Variants in GRIN2B observed in about 807,000 individuals in gnomAD.
The protein encoded by GRIN2B is glutamate ionotropic receptor NMDA type subunit 2B, also known as glutamate receptor ionotropic, NMDA 2B.
Under a neutral mutation model 114.5 loss-of-function variants are expected in GRIN2B, and 5 were observed. The ratio of observed to expected loss-of-function variants is 0.04; its 90% CI spans 0.02 to 0.09. The LOEUF (loss-of-function observed/expected upper bound fraction) is 0.09. Ranked by LOEUF, GRIN2B falls within the 10% of genes least tolerant of loss-of-function variation. The probability of loss-of-function intolerance (pLI) is 1.00; values close to 1 mark genes in which losing one functional copy is unlikely to be tolerated. For missense variants in GRIN2B, 1,108 were observed against 1,943.5 expected, an observed-to-expected ratio of 0.57 and a Z score of 8.08; for synonymous variants, 787 against 745.1, an observed-to-expected ratio of 1.06 and a Z score of -0.92.
intron 3 of GRIN2B, among the ~76,000 whole-genome samples, chr12:13,802,465 A>G (rs1864532772): frequency 6.6e-6 from 1 of 152,192 alleles, no homozygotes; most frequent in Non-Finnish European, 1.5e-5. Flanking sequence ...AGTTCTGAAA[A>G]TTTATGCTGA....
intron 5 of GRIN2B, among the ~76,000 whole-genome samples, chr12:13,661,357 C>T (rs1949921042): frequency 6.6e-6 from 1 of 152,166 alleles, no homozygotes; most frequent in South Asian, 2.1e-4. Context: ...ACAGAAAACC[C>T]CCTTCAGACA....
chr12:13,872,001 C>A (rs953227397), intron 2 of GRIN2B, among the ~76,000 whole-genome samples: 1 of 152,036 alleles, frequency 6.6e-6, no homozygotes, highest in African/African-American at 2.4e-5. Flanking sequence ...CAGCCCACCC[C>A]ACCTCTGCCA....
At chr12:13,712,270 C>T (rs1158089817) in intron 4 of GRIN2B, among the ~76,000 whole-genome samples, 3 of 151,788 alleles carry the variant, frequency 2.0e-5, no homozygotes, top group Non-Finnish European at 4.4e-5. Flanking sequence ...AGGAGATATA[C>T]CTAATGTTAA....
intron 4 of GRIN2B, among the ~76,000 whole-genome samples, chr12:13,701,041 G>C (rs1169276249): frequency 6.6e-6 from 1 of 152,190 alleles, no homozygotes; most frequent in Admixed American, 6.5e-5. Context: ...AGGTGAAGGG[G>C]AAACGAGGCA....
intron 2 of GRIN2B, among the ~76,000 whole-genome samples, chr12:13,916,161 G>T (rs780075164): frequency 1.1e-4 from 17 of 152,138 alleles, no homozygotes; most frequent in Non-Finnish European, 2.2e-4. Context: ...TTTTGAAAAT[G>T]AGATCTTTGA....
At position 13,827,826 on chromosome 12, in the gene GRIN2B, C is replaced by T. The variant is rs910294610; in HGVS notation, c.411+37972G>A. ...CCTCCCAAGTAGCTGGAACTACAGG[C>T]GCATGCCACCACTCCCGGCTAATTT... On this transcript the variant is annotated intron_variant, in intron 3 of 13. Transcript: ENST00000609686. Among the ~76,000 whole-genome samples the T allele has an allele frequency of 8.4e-4, 128 of 152,136 alleles. 1 individual carries two copies. The highest frequency in any genetic ancestry group is 2.8e-3 in the African/African-American group (116 of 41,524).
intron 3 of GRIN2B, among the ~76,000 whole-genome samples, chr12:13,862,018 A>G (rs775628265): frequency 1.3e-5 from 2 of 152,218 alleles, no homozygotes; most frequent in African/African-American, 2.4e-5. Context: ...GTTGAGAGTC[A>G]GGGATTGGTG....
intron 3 of GRIN2B, among the ~76,000 whole-genome samples, chr12:13,798,903 C>T (rs1341716904): frequency 6.6e-6 from 1 of 152,228 alleles, no homozygotes; most frequent in Non-Finnish European, 1.5e-5. Context: ...CCTCCTTTCC[C>T]TGTTGCTCTT....
intron 13 of GRIN2B, among the ~76,000 whole-genome samples, chr12:13,565,714 G>A (rs1948630275): frequency 6.6e-6 from 1 of 152,166 alleles, no homozygotes. Context: ...GGACTAATTT[G>A]GAAAGGGAAG....
intron 2 of GRIN2B, among the ~76,000 whole-genome samples, chr12:13,962,878 G>A (rs1013599707): frequency 7.2e-5 from 11 of 152,212 alleles, no homozygotes; most frequent in Non-Finnish European, 1.5e-5. Context: ...GAAGGAGGAA[G>A]GGTGATAGGC....
intron 3 of GRIN2B, among the ~76,000 whole-genome samples, chr12:13,835,033 CAGCAATTAAAATA>C (rs1726950207): frequency 6.6e-6 from 1 of 152,160 alleles, no homozygotes; most frequent in Admixed American, 6.5e-5. Context: ...GACAGAGCAC[CAGCAATTAAAATA>C]AGAAACAGGA....
At chr12:13,933,356 T>G (rs1300559339) in intron 2 of GRIN2B, among the ~76,000 whole-genome samples, 4 of 152,224 alleles carry the variant, frequency 2.6e-5, no homozygotes, top group African/African-American at 4.8e-5. Context: ...TTAATGTGGC[T>G]GCTATATATC....
Position 13,877,554 on chromosome 12 carries a change from C to T in GRIN2B, c.-18-11328G>A, listed in dbSNP as rs147526140. 4.6e-3 allele frequency among the ~76,000 whole-genome samples: 700 copies of T among 152,270 alleles called. 2 individuals are homozygous for T. Among genetic ancestry groups the T allele is most frequent in the South Asian group, 0.012 (59 of 4,826 alleles). On this transcript the variant is annotated intron_variant, in intron 2 of 13. Coordinates refer to ENST00000609686, the MANE Select transcript of GRIN2B (RefSeq NM_000834.5). ...TTACTCTTTAGTTGTTCTTGCCTTC[C>T]TCCTCTCTCTCCTTTCTCCCAAATT...
At chr12:13,857,923 C>T (rs1030485027) in intron 3 of GRIN2B, among the ~76,000 whole-genome samples, 2 of 152,166 alleles carry the variant, frequency 1.3e-5, no homozygotes, top group South Asian at 2.1e-4. Flanking sequence ...GAGCAGCCAC[C>T]TTCCAACCAT....
At chr12:13,646,326 C>T (rs1276435347) in intron 5 of GRIN2B, among the ~76,000 whole-genome samples, 4 of 152,124 alleles carry the variant, frequency 2.6e-5, no homozygotes, top group Non-Finnish European at 2.9e-5. Context: ...GAATACCTGC[C>T]TTAGTGTGTC....
At chr12:13,926,914 C>T (rs1034678920) in intron 2 of GRIN2B, among the ~76,000 whole-genome samples, 1 of 150,364 alleles carries the variant, frequency 6.7e-6, no homozygotes, top group South Asian at 2.1e-4. Context: ...GATCACACCA[C>T]TGCACTCCAG....
intron 2 of GRIN2B, chr12:13,977,250 A>G (rs1311963560): frequency 6.6e-6 from 1 of 152,188 alleles, no homozygotes; most frequent in Non-Finnish European, 1.5e-5. Flanking sequence ...CAAAGCATGG[A>G]TCTTCAGACA....
At chr12:13,813,088 C>T (rs765430444) in intron 3 of GRIN2B, among the ~76,000 whole-genome samples, 35 of 151,634 alleles carry the variant, frequency 2.3e-4, no homozygotes, top group Admixed American at 7.2e-4. Flanking sequence ...TACAGACGTC[C>T]GCCACCACTC....
At chr12:13,822,478 A>G (rs1310728065) in intron 3 of GRIN2B, among the ~76,000 whole-genome samples, 1 of 152,170 alleles carries the variant, frequency 6.6e-6, no homozygotes, top group African/African-American at 2.4e-5. Context: ...CAGTGTGCCA[A>G]TGAAGAAAGG....
Sources: allele counts gnomAD v4.1 joint callset (sites outside exome capture counted in the v4.1 genomes callset), GRCh38; gene constraint gnomAD v4.1.1; transcripts MANE v1.5; gene names NCBI Gene and HGNC (gene_info 2026-07-23, HGNC 2026-07-21).